Variants in RNF10 observed in about 807,000 individuals in gnomAD.
RNF10 encodes E3 ubiquitin-protein ligase RNF10.
Under a neutral mutation model 91.4 loss-of-function variants are expected in RNF10, and 38 were observed. The observed-to-expected ratio is 0.42, with a 90% CI of 0.32 to 0.54. RNF10 has a LOEUF of 0.54. Among genes scored for constraint, RNF10 ranks in the 20% least tolerant of loss-of-function variants. RNF10 has a pLI of 0.16. For synonymous variants in RNF10, 364 were observed against 366.3 expected, an observed-to-expected ratio of 0.99 and a Z score of 0.07; for missense variants, 945 against 1,012.0, an observed-to-expected ratio of 0.93 and a Z score of 0.90.
chr12:120,572,666 G>A (rs1946555305), intron 14 of RNF10, among the ~76,000 whole-genome samples: 1 of 151,750 alleles, frequency 6.6e-6, no homozygotes, highest in Admixed American at 6.6e-5. Context: ...CGTGATCTCG[G>A]CTCACTGCAA....
chr12:120,542,388 A>C (rs1871703256), intron 1 of RNF10, among the ~76,000 whole-genome samples: 1 of 152,094 alleles, frequency 6.6e-6, no homozygotes, highest in Non-Finnish European at 1.5e-5. Context: ...TCGTGGACTC[A>C]AGTGATCCTC....
chr12:120,552,426 G>A, intron 2 of RNF10, 73 bp from the exon 3 acceptor site: 1 of 1,313,962 alleles, frequency 7.6e-7, no homozygotes, highest in Non-Finnish European at 1.1e-6. Flanking sequence ...TAAAAGGAGG[G>A]TTTTTTTTGG....
intron 6 of RNF10, 104 bp from the exon 7 acceptor site, chr12:120,560,622 C>G: frequency 1.8e-6 from 2 of 1,083,356 alleles, no homozygotes; most frequent in Non-Finnish European, 2.7e-6. Flanking sequence ...TAAATTACCC[C>G]ATTTTCACCC....
chr12:120,546,471 A>C lies in RNF10; in HGVS notation c.224A>C (p.Glu75Ala). The C allele has an allele frequency of 6.2e-7, 1 of 1,614,206 alleles. No homozygotes were observed. Among genetic ancestry groups the C allele is most frequent in the Non-Finnish European group, 8.5e-7 (1 of 1,180,018 alleles). ...RKRELSYPKN[E>A]SFNNQSRRSS... ...CGTGAACTTTCCTACCCCAAAAATG[A>C]AAGTTTTAACAACCAGTCCCGTCGC... Residue 75 changes from glutamate (E) to alanine (A), a missense_variant, in exon 2 of 17, where the codon GAA becomes GCA. Glu to Ala is a moderately radical substitution (Grantham distance 107). Transcript: ENST00000325954.
At position 120,571,295 on chromosome 12, in the gene RNF10, A is replaced by T; in HGVS notation, c.2142+4A>T. 1 of 1,605,730 alleles carries T rather than the reference A, an allele frequency of 6.2e-7. No individual in the cohort carries two copies. Among genetic ancestry groups the T allele is most frequent in the Non-Finnish European group, 8.5e-7 (1 of 1,172,412 alleles). ...TCCCTTCCCTTCCTTTGCCCAGGTAAATCCTTTGCTTGTGAAGCAGCCCAG... is the reference window on the plus strand; with the variant it reads ...TCCCTTCCCTTCCTTTGCCCAGGTATATCCTTTGCTTGTGAAGCAGCCCAG... On this transcript the variant is annotated splice_donor_region_variant and intron_variant, in intron 14 of 16. Coordinates refer to ENST00000325954, the MANE Select transcript of RNF10 (RefSeq NM_014868.5).
intron 1 of RNF10, among the ~76,000 whole-genome samples, chr12:120,538,148 G>A (rs1871103899): frequency 6.6e-6 from 1 of 152,192 alleles, no homozygotes; most frequent in South Asian, 2.1e-4. Context: ...ACAGAGTACT[G>A]AGTTGAGGGG....
Position 120,576,976 on chromosome 12 carries a change from G to A in RNF10, c.*310G>A. On this transcript the variant is annotated 3_prime_UTR_variant, in exon 17 of 17. Coordinates refer to ENST00000325954, the MANE Select transcript of RNF10 (RefSeq NM_014868.5). ...ATTTTTCTCAACCCAAAGTAAGATT[G>A]AGTCCCCTTTGAGATGCATTAGAGC... is the stretch of plus-strand genomic sequence containing the variant. 2.7e-6 allele frequency: 1 copy of A among 364,284 alleles called. No homozygotes were observed. Among genetic ancestry groups the A allele is most frequent in the Non-Finnish European group, 5.2e-6 (1 of 192,368 alleles). 22.6% of individuals were successfully genotyped at this position (364,284 alleles called of 1,614,324 possible).
Position 120,534,945 on chromosome 12 carries a change from C to G in RNF10, c.134C>G (p.Ala45Gly). The G allele has an allele frequency of 6.2e-7, 1 of 1,601,212 alleles. No homozygotes were observed. Among genetic ancestry groups the G allele is most frequent in the Non-Finnish European group, 8.5e-7 (1 of 1,179,054 alleles). ...QPPRSASAGP[A>G]GESKPKSDGK... is the part of the protein sequence containing the mutation. ...CCCCGCTCCGCCTCGGCGGGGCCAG[C>G]CGGCGAGTCTAAACCCAAGAGCGGT... The change falls in exon 1 of 17, where the codon GCC becomes GGC. Residue 45 changes from alanine (A) to glycine (G), a missense_variant. By Grantham distance (60) the Ala-to-Gly change is moderately conservative. Coordinates refer to ENST00000325954, the MANE Select transcript of RNF10 (RefSeq NM_014868.5).
At chr12:120,541,045 C>T (rs1251232002) in intron 1 of RNF10, among the ~76,000 whole-genome samples, 2 of 151,888 alleles carry the variant, frequency 1.3e-5, no homozygotes, top group African/African-American at 2.4e-5. Flanking sequence ...TTAGTAGAGA[C>T]GGGGTTTCTC....
chr12:120,557,883 C>T (rs148974387), intron 6 of RNF10, among the ~76,000 whole-genome samples: 2,272 of 152,258 alleles, frequency 0.015, 26 homozygotes, highest in South Asian at 0.052. Context: ...ATCTATACAT[C>T]CTAATTTTTC....
intron 13 of RNF10, among the ~76,000 whole-genome samples, chr12:120,568,398 A>C (rs1027135490): frequency 1.3e-5 from 2 of 152,202 alleles, no homozygotes; most frequent in African/African-American, 4.8e-5. Flanking sequence ...TATGAAATTA[A>C]ACATTTATTA....
At chr12:120,547,281 G>A (rs2137156385) in intron 2 of RNF10, among the ~76,000 whole-genome samples, 1 of 152,200 alleles carries the variant, frequency 6.6e-6, no homozygotes, top group Middle Eastern at 3.4e-3. Context: ...AGAAGCAAGG[G>A]AGCACACTAT....
chr12:120,567,990 G>T (rs1442519103), intron 13 of RNF10, among the ~76,000 whole-genome samples: 2 of 152,008 alleles, frequency 1.3e-5, no homozygotes, highest in Non-Finnish European at 2.9e-5. Flanking sequence ...AGGCACGGTG[G>T]CTCACACCTG....
In RNF10 at chr12:120,552,519, A is replaced by G; in HGVS notation, c.375A>G (p.Ala125=). Residue 125 remains alanine (A), a synonymous_variant, in exon 3 of 17, where the codon GCA becomes GCG. Coordinates refer to ENST00000325954, the MANE Select transcript of RNF10 (RefSeq NM_014868.5). ...TCTAGGTAGCAGAGGCTCAACGGGCAGAGTTTAGCCCTGCCCAGTTCTCTG... is the reference window on the plus strand; with the variant it reads ...TCTAGGTAGCAGAGGCTCAACGGGCGGAGTTTAGCCCTGCCCAGTTCTCTG... ...RRDEVAEAQR[A]EFSPAQFSGP... is the part of the protein sequence containing the mutation. The G allele has an allele frequency of 6.2e-7, 1 of 1,614,068 alleles. No homozygotes were observed. The highest frequency in any genetic ancestry group is 1.3e-5 in the African/African-American group (1 of 75,058).
intron 4 of RNF10, among the ~76,000 whole-genome samples, chr12:120,555,798 T>G (rs930853850): frequency 7.0e-6 from 1 of 142,806 alleles, no homozygotes; most frequent in Non-Finnish European, 1.5e-5. Flanking sequence ...ACCTGGCCTC[T>G]TTTTTTTTTT....
intron 13 of RNF10, among the ~76,000 whole-genome samples, chr12:120,569,981 C>G (rs952586271): frequency 2.0e-5 from 3 of 152,092 alleles, no homozygotes; most frequent in Admixed American, 1.3e-4. Flanking sequence ...CAACTTCCCC[C>G]TCGCGGGTTC....
chr12:120,541,430 A>T (rs1871543575), intron 1 of RNF10, among the ~76,000 whole-genome samples: 1 of 136,538 alleles, frequency 7.3e-6, no homozygotes. Flanking sequence ...GCATCCCCTG[A>T]GTTTTCCTTT....
rs766844119 is a variant in RNF10, at chr12:120,566,952, T to C, written c.2013T>C (p.Pro671=). The change falls in exon 13 of 17, where the codon CCT becomes CCC. Residue 671 remains proline, a synonymous_variant. Transcript: ENST00000325954. The stretch of plus-strand genomic sequence containing the variant: ...GCCATGGGGCCCTCTCCATTTCTCC[T>C]CTCAGCAGAAGTCCAGGTTCCCATG... ...TEGHGALSIS[P]LSRSPGSHAD... is the part of the protein sequence containing the mutation. 8 of 1,607,940 alleles carry C rather than the reference T, an allele frequency of 5.0e-6. No homozygotes were observed. Among genetic ancestry groups the C allele is most frequent in the Admixed American group, 1.7e-5 (1 of 57,762 alleles).
chr12:120,566,391 T>C (rs1875704980), intron 12 of RNF10, among the ~76,000 whole-genome samples: 1 of 152,202 alleles, frequency 6.6e-6, no homozygotes, highest in African/African-American at 2.4e-5. Context: ...ATTGTAAATT[T>C]GGGTTTTAGC....
Sources: allele counts gnomAD v4.1 joint callset (sites outside exome capture counted in the v4.1 genomes callset), GRCh38; gene constraint gnomAD v4.1.1; transcripts MANE v1.5; gene names NCBI Gene and HGNC (gene_info 2026-07-23, HGNC 2026-07-21).